RAB3GAP2: variants seen among roughly 807,000 people sequenced by gnomAD.
The protein encoded by RAB3GAP2 is rab3 GTPase-activating protein non-catalytic subunit.
A neutral mutation model predicts 185.3 loss-of-function variants in RAB3GAP2; 87 were observed. The ratio of observed to expected loss-of-function variants is 0.47; its 90% CI spans 0.39 to 0.56. RAB3GAP2 has a LOEUF of 0.56. RAB3GAP2 is among the 20% of genes least tolerant of loss of function. The pLI is 0.00. For missense variants in RAB3GAP2, 1,492 were observed against 1,638.2 expected, an observed-to-expected ratio of 0.91 and a Z score of 1.54; for synonymous variants, 554 against 576.1, an observed-to-expected ratio of 0.96 and a Z score of 0.55.
intron 7 of RAB3GAP2, among the ~76,000 whole-genome samples, chr1:220,207,131 T>C (rs922857860): frequency 2.0e-5 from 3 of 152,244 alleles, no homozygotes; most frequent in Non-Finnish European, 4.4e-5. Context: ...ATTTTCATCA[T>C]TATAAACATC....
At chr1:220,254,625 G>A (rs973137169) in intron 1 of RAB3GAP2, 4 of 1,025,750 alleles carry the variant, frequency 3.9e-6, no homozygotes, top group Admixed American at 1.9e-5. Flanking sequence ...AATGTGCTTT[G>A]AAGATGTTAG....
At chr1:220,175,731 A>T (rs1457873597) in intron 21 of RAB3GAP2, among the ~76,000 whole-genome samples, 1 of 152,102 alleles carries the variant, frequency 6.6e-6, no homozygotes, top group Non-Finnish European at 1.5e-5. Context: ...TCCTCTACCC[A>T]CCATCACTTG....
chr1:220,204,764 G>A (rs1280883550), intron 8 of RAB3GAP2, among the ~76,000 whole-genome samples: 1 of 125,446 alleles, frequency 8.0e-6, no homozygotes, highest in African/African-American at 3.1e-5. Flanking sequence ...AGTCCCCGGA[G>A]TGTGATGTTC....
chr1:220,203,051 G>A (rs7551804), intron 8 of RAB3GAP2, among the ~76,000 whole-genome samples: 8 of 152,230 alleles, frequency 5.3e-5, no homozygotes, highest in Non-Finnish European at 8.8e-5. Context: ...CTAGGGATAG[G>A]AATCAGTGCT....
intron 3 of RAB3GAP2, 66 bp from the exon 4 acceptor site, chr1:220,213,034 A>G: frequency 7.9e-7 from 1 of 1,261,044 alleles, no homozygotes. Flanking sequence ...TAATTTATAA[A>G]TTTTGCTCTT....
At chr1:220,207,169 T>C (rs773497930) in intron 7 of RAB3GAP2, among the ~76,000 whole-genome samples, 1 of 152,264 alleles carries the variant, frequency 6.6e-6, no homozygotes, top group Non-Finnish European at 1.5e-5. Context: ...TCTGTCTATA[T>C]CTTTTCATGT....
At position 220,150,945 on chromosome 1, in the gene RAB3GAP2, C is replaced by A; in HGVS notation, c.*306G>T. The A allele has an allele frequency of 1.9e-5, 6 of 319,870 alleles. No individual in the cohort carries two copies. Among genetic ancestry groups the A allele is most frequent in the East Asian group, 7.2e-5 (1 of 13,796 alleles). The allele number at this position is 319,870 out of a possible 1,614,324, so 19.8% of individuals were successfully genotyped here. A position where few individuals can be genotyped will look rare whatever the true frequency, so the allele number is the denominator to read the frequency against. ...ATAAGAACATAATCTAAATTATAACCAATTTTAAATAGCAAAGTTTAACAA... is the reference window on the plus strand; with the variant it reads ...ATAAGAACATAATCTAAATTATAACAAATTTTAAATAGCAAAGTTTAACAA... On this transcript the variant is annotated 3_prime_UTR_variant, in exon 35 of 35. Coordinates refer to ENST00000358951, the MANE Select transcript of RAB3GAP2 (RefSeq NM_012414.4).
chr1:220,154,075 A>G lies in RAB3GAP2; in HGVS notation c.3556-18T>C, dbSNP rs747881174. 1.4e-5 allele frequency: 23 copies of G among 1,612,686 alleles called. 1 individual carries two copies. In the South Asian group the frequency reaches 2.5e-4, roughly 18 times the overall value. On this transcript the variant is annotated intron_variant, in intron 31 of 34. Transcript: ENST00000358951. ...TTTTTTCCCTAAAAAGAAAGAGAGC[A>G]AGAAAACTGATGAGTGTGGATTATT...
At chr1:220,268,731 G>A (rs963264472) in intron 1 of RAB3GAP2, among the ~76,000 whole-genome samples, 1 of 152,158 alleles carries the variant, frequency 6.6e-6, no homozygotes, top group African/African-American at 2.4e-5. Context: ...TGATTTAGAA[G>A]AGAAATACAT....
intron 1 of RAB3GAP2, among the ~76,000 whole-genome samples, chr1:220,233,998 G>A (rs1486785560): frequency 1.3e-5 from 2 of 152,208 alleles, no homozygotes. Flanking sequence ...ACCACGCCCG[G>A]CCTTGAGGTA....
At chr1:220,202,475 G>A in intron 8 of RAB3GAP2, 101 bp from the exon 9 acceptor site, 2 of 1,229,248 alleles carry the variant, frequency 1.6e-6, no homozygotes, top group Non-Finnish European at 2.3e-6. Flanking sequence ...TAAAATTTCA[G>A]CTAATAATGA....
intron 24 of RAB3GAP2, among the ~76,000 whole-genome samples, chr1:220,169,942 T>C (rs1658143161): frequency 6.6e-6 from 1 of 152,212 alleles, no homozygotes; most frequent in African/African-American, 2.4e-5. Flanking sequence ...GGATTATAAA[T>C]CATTCTTCTA....
At chr1:220,263,847 T>C (rs1256782011) in intron 1 of RAB3GAP2, among the ~76,000 whole-genome samples, 2 of 152,112 alleles carry the variant, frequency 1.3e-5, no homozygotes, top group East Asian at 3.9e-4. Context: ...TCACTGAGTC[T>C]TACAGGAGAA....
In RAB3GAP2 at chr1:220,267,032, G is replaced by C. The variant is rs537422118; in HGVS notation, c.115+5191C>G. On this transcript the variant is annotated intron_variant, in intron 1 of 34. Transcript: ENST00000358951. ...CGACCTTCAATCATTTCGGGGGGCA[G>C]GTAGTCCAGGGTGCCACAGAGAGTG... The C allele has an allele frequency of 6.6e-5, 107 of 1,611,314 alleles. No individual in the cohort carries two copies. The African/African-American group carries it at 1.3e-3, about 19-fold the overall frequency.
chr1:220,198,734 C>G (rs1461597632), intron 9 of RAB3GAP2, among the ~76,000 whole-genome samples: 1 of 151,764 alleles, frequency 6.6e-6, no homozygotes, highest in Non-Finnish European at 1.5e-5. Flanking sequence ...TCTTTTTTTT[C>G]TGGAGTTATT....
rs370489486 is a variant in RAB3GAP2, at chr1:220,159,457, A to G, written c.3226-36T>C. On this transcript the variant is annotated intron_variant, in intron 28 of 34. Transcript: ENST00000358951. ...AAGATAAAATGTTGTAACATTTAAT[A>G]ATTTAAATAAAAAGACATTACTATG... is the stretch of plus-strand genomic sequence containing the variant. 87 of 1,451,684 alleles carry G rather than the reference A, an allele frequency of 6.0e-5. No homozygotes were observed. In the East Asian group the frequency reaches 1.9e-3, roughly 32 times the overall value. The allele number at this position is 1,451,684 out of a possible 1,614,324, so 89.9% of individuals were successfully genotyped here. A position where few individuals can be genotyped will look rare whatever the true frequency, so the allele number is the denominator to read the frequency against.
intron 9 of RAB3GAP2, among the ~76,000 whole-genome samples, chr1:220,198,757 T>A (rs1658780109): frequency 6.6e-6 from 1 of 152,194 alleles, no homozygotes; most frequent in South Asian, 2.1e-4. Flanking sequence ...TACCTTGTCA[T>A]TTAGAATTTT....
intron 2 of RAB3GAP2, among the ~76,000 whole-genome samples, chr1:220,223,490 C>T (rs553135585): frequency 6.6e-6 from 1 of 152,112 alleles, no homozygotes; most frequent in East Asian, 1.9e-4. Flanking sequence ...ACAAACTTTA[C>T]CCATTAATTT....
intron 1 of RAB3GAP2, among the ~76,000 whole-genome samples, chr1:220,247,710 T>C (rs1307838160): frequency 6.6e-6 from 1 of 152,204 alleles, no homozygotes; most frequent in Non-Finnish European, 1.5e-5. Context: ...AGAACTCATC[T>C]GTGTAACAAA....
Sources: gnomAD v4.1 joint callset for allele counts (sites outside exome capture counted in the v4.1 genomes callset) on GRCh38, gnomAD v4.1.1 for gene constraint, MANE v1.5 for transcripts, NCBI Gene and HGNC (gene_info 2026-07-23, HGNC 2026-07-21) for gene names.